The following MYO3A variants were observed in gnomAD, a reference collection of about 807,000 sequenced individuals.
MYO3A encodes the protein myosin IIIA, also known as myosin-IIIa.
A neutral mutation model predicts 192.7 loss-of-function variants in MYO3A; 180 were observed. That is an observed-to-expected ratio of 0.93 (90% confidence interval 0.83 to 1.06). The LOEUF (loss-of-function observed/expected upper bound fraction) is 1.06, where lower values mean the gene tolerates loss of function less well. Among genes scored for constraint, MYO3A ranks in the 50% least tolerant of loss-of-function variants. The probability of loss-of-function intolerance (pLI) is 0.00; values close to 1 mark genes in which losing one functional copy is unlikely to be tolerated. For synonymous variants in MYO3A, 628 were observed against 645.3 expected, an observed-to-expected ratio of 0.97 and a Z score of 0.41; for missense variants, 1,896 against 1,905.0, an observed-to-expected ratio of 1.00 and a Z score of 0.09.
At chr10:26,135,062 T>G (rs1227415088) in intron 20 of MYO3A, among the ~76,000 whole-genome samples, 3 of 152,182 alleles carry the variant, frequency 2.0e-5, no homozygotes, top group African/African-American at 7.2e-5. Flanking sequence ...CTAAATAGGT[T>G]ATCTATATTT....
chr10:26,185,683 CTCTT>C (rs1347674354), intron 31 of MYO3A, among the ~76,000 whole-genome samples: 2 of 152,062 alleles, frequency 1.3e-5, no homozygotes, highest in Non-Finnish European at 2.9e-5. Context: ...TTTTCTTTTT[CTCTT>C]TTTTTTCTGT....
chr10:26,027,680 T>A (rs1247661695), intron 10 of MYO3A, among the ~76,000 whole-genome samples: 2 of 152,202 alleles, frequency 1.3e-5, no homozygotes, highest in Non-Finnish European at 2.9e-5. Context: ...AAAATTGGAA[T>A]AGTATTATAT....
At chr10:26,034,015 G>A (rs756441976) in intron 10 of MYO3A, among the ~76,000 whole-genome samples, 4 of 152,094 alleles carry the variant, frequency 2.6e-5, no homozygotes, top group Non-Finnish European at 5.9e-5. Context: ...TGAGAGGTTT[G>A]ACCTGTGTCC....
intron 6 of MYO3A, among the ~76,000 whole-genome samples, chr10:26,008,171 G>T (rs1239297053): frequency 4.1e-5 from 6 of 147,830 alleles, no homozygotes; most frequent in Non-Finnish European, 8.9e-5. Context: ...GGGAAAACTG[G>T]CTAGTCATAT....
Position 26,120,768 on chromosome 10 carries a change from G to A in MYO3A, c.1869G>A (p.Lys623=). 1 of 1,614,066 alleles carries A rather than the reference G, an allele frequency of 6.2e-7. No homozygotes were observed. Among genetic ancestry groups the A allele is most frequent in the Non-Finnish European group, 8.5e-7 (1 of 1,179,990 alleles). Reference sequence around the variant, plus strand: ...TGGCAACTGAACACCAGATTGACAAGAGCCACATTTCTAATCATACAGCCC... The same window carrying A: ...TGGCAACTGAACACCAGATTGACAAAAGCCACATTTCTAATCATACAGCCC... ...SSVATEHQID[K]SHISNHTALE... Residue 623 remains lysine, a synonymous_variant, in exon 18 of 35, where the codon AAG becomes AAA. Transcript: ENST00000642920.
intron 20 of MYO3A, among the ~76,000 whole-genome samples, chr10:26,129,656 G>A (rs1839421322): frequency 6.6e-6 from 1 of 152,072 alleles, no homozygotes; most frequent in African/African-American, 2.4e-5. Flanking sequence ...GGCGTATCTG[G>A]CTGTGACCTC....
intron 10 of MYO3A, among the ~76,000 whole-genome samples, chr10:26,042,190 G>A (rs956164023): frequency 2.0e-5 from 3 of 152,054 alleles, no homozygotes; most frequent in African/African-American, 4.8e-5. Flanking sequence ...GCTGCCAAAT[G>A]TATTGGAGCT....
intron 10 of MYO3A, among the ~76,000 whole-genome samples, chr10:26,052,585 A>G (rs951617598): frequency 6.6e-6 from 1 of 152,212 alleles, no homozygotes; most frequent in Non-Finnish European, 1.5e-5. Flanking sequence ...GCTGGTAGAC[A>G]ACGTTGGTTG....
chr10:26,117,559 A>G (rs143228121), intron 17 of MYO3A, among the ~76,000 whole-genome samples: 115 of 152,212 alleles, frequency 7.6e-4, no homozygotes, highest in African/African-American at 2.6e-3. Flanking sequence ...TGTTCTCATC[A>G]TTCAGCTCCC....
chr10:25,935,485 G>C (rs1040741670), intron 1 of MYO3A, among the ~76,000 whole-genome samples: 1 of 152,160 alleles, frequency 6.6e-6, no homozygotes, highest in African/African-American at 2.4e-5. Context: ...TAATTGTACA[G>C]GTGCACTTAA....
intron 4 of MYO3A, among the ~76,000 whole-genome samples, chr10:25,994,552 C>T (rs1400931762): frequency 6.6e-6 from 1 of 151,832 alleles, no homozygotes; most frequent in Non-Finnish European, 1.5e-5. Context: ...TTGATCCTGT[C>T]ATGATGTTAG....
chr10:26,057,728 T>C (rs1834198218), intron 10 of MYO3A, among the ~76,000 whole-genome samples: 1 of 152,346 alleles, frequency 6.6e-6, no homozygotes, highest in East Asian at 1.9e-4. Context: ...CAATGGCTAA[T>C]TGGATCTATT....
chr10:26,192,755 G>A (rs1374426908), intron 31 of MYO3A, among the ~76,000 whole-genome samples: 1 of 149,758 alleles, frequency 6.7e-6, no homozygotes, highest in Admixed American at 6.7e-5. Context: ...CCAGGTTCAA[G>A]CAATTCTCCT....
chr10:26,114,156 G>A lies in MYO3A; in HGVS notation c.1777-6520G>A, dbSNP rs148391486. On this transcript the variant is annotated intron_variant, in intron 17 of 34. Transcript: ENST00000642920. ...TCTCAACAGGAGCATCAACACTATG[G>A]CCTTCCAAGGATTAGACTGGATGGT... Among the ~76,000 whole-genome samples the A allele has an allele frequency of 2.3e-3, 351 of 152,144 alleles. 1 individual carries two copies. The highest frequency in any genetic ancestry group is 8.0e-3 in the African/African-American group (332 of 41,504).
chr10:26,139,142 T>C (rs1840010945), intron 20 of MYO3A, among the ~76,000 whole-genome samples: 1 of 152,204 alleles, frequency 6.6e-6, no homozygotes, highest in African/African-American at 2.4e-5. Context: ...ATGTATCTAC[T>C]TTATTTCCCC....
chr10:25,954,657 A>G (rs1286905884), intron 3 of MYO3A, among the ~76,000 whole-genome samples: 1 of 152,102 alleles, frequency 6.6e-6, no homozygotes, highest in Non-Finnish European at 1.5e-5. Flanking sequence ...AAATTTGATG[A>G]AATTAATATA....
At chr10:26,087,918 G>A (rs1836439544) in intron 14 of MYO3A, among the ~76,000 whole-genome samples, 2 of 152,342 alleles carry the variant, frequency 1.3e-5, no homozygotes, top group African/African-American at 4.8e-5. Flanking sequence ...GTACTTCAAT[G>A]TGCGTAGGCT....
Position 26,134,869 on chromosome 10 carries a change from G to A in MYO3A, c.2262+6331G>A, listed in dbSNP as rs561763589. On this transcript the variant is annotated intron_variant, in intron 20 of 34. Coordinates refer to ENST00000642920, the MANE Select transcript of MYO3A (RefSeq NM_017433.5). Reference sequence around the variant, plus strand: ...CCCTGGGCAATGTTTTCATGAATAGGCACACTCATTTGAGCAGGGGTGAGT... The same window carrying A: ...CCCTGGGCAATGTTTTCATGAATAGACACACTCATTTGAGCAGGGGTGAGT... 2.6e-5 allele frequency among the ~76,000 whole-genome samples: 4 copies of A among 152,146 alleles called. No homozygotes were observed. In the South Asian group the frequency reaches 8.3e-4, roughly 32 times the overall value.
chr10:26,201,689 C>T (rs1003468210), intron 33 of MYO3A, among the ~76,000 whole-genome samples: 1 of 81,698 alleles, frequency 1.2e-5, no homozygotes, highest in Non-Finnish European at 2.5e-5. Flanking sequence ...GACTCCGTCT[C>T]AAAAAAAAAA....
Sources: allele counts gnomAD v4.1 joint callset (sites outside exome capture counted in the v4.1 genomes callset), GRCh38; gene constraint gnomAD v4.1.1; transcripts MANE v1.5; gene names NCBI Gene and HGNC (gene_info 2026-07-23, HGNC 2026-07-21).